CSAD: variants seen among roughly 807,000 people sequenced by gnomAD.
CSAD encodes the protein cysteine sulfinic acid decarboxylase, also known as P-selectin cytoplasmic tail-associated protein.
Under a neutral mutation model 61.5 loss-of-function variants are expected in CSAD, and 47 were observed. The ratio of observed to expected loss-of-function variants is 0.76; its 90% CI spans 0.60 to 0.97. The LOEUF (loss-of-function observed/expected upper bound fraction) is 0.97. Ranked by LOEUF, CSAD falls within the 50% of genes least tolerant of loss-of-function variation. The pLI is 0.00. For missense variants in CSAD, 611 were observed against 643.6 expected (o/e 0.95, Z 0.55); for synonymous variants, 245 against 252.7 (o/e 0.97, Z 0.29).
In CSAD at chr12:53,160,829, G is replaced by A. The variant is rs1287115835; in HGVS notation, c.900C>T (p.Ala300=). The A allele has an allele frequency of 1.3e-6, 2 of 1,551,964 alleles. No homozygotes were observed. Among genetic ancestry groups the A allele is most frequent in the East Asian group, 2.4e-5 (1 of 40,988 alleles). The change falls in exon 13 of 17, where the codon GCC becomes GCT. Residue 300 remains alanine (A), a synonymous_variant. Coordinates refer to ENST00000444623, the MANE Select transcript of CSAD (RefSeq NM_001244705.2). ...LDGIQRADSV[A]WNPHKLLAAG... ...CTGCGAGGAGCTTGTGGGGATTCCA[G>A]GCCACAGAGTCAGCCCTGGATGGGG...
intron 1 of CSAD, 59 bp downstream of exon 1, chr12:53,180,673 G>A: frequency 2.3e-6 from 3 of 1,277,750 alleles, no homozygotes; most frequent in South Asian, 1.3e-5. Flanking sequence ...CGGAGAGGAC[G>A]AGGGGGAGGG....
chr12:53,180,764 G>A lies in CSAD; in HGVS notation c.-123C>T. 1 of 1,272,256 alleles carries A rather than the reference G, an allele frequency of 7.9e-7. No homozygotes were observed. Among genetic ancestry groups the A allele is most frequent in the Non-Finnish European group, 1.0e-6 (1 of 981,510 alleles). 78.8% of individuals were successfully genotyped at this position (1,272,256 alleles called of 1,614,324 possible). On this transcript the variant is annotated 5_prime_UTR_variant, in exon 1 of 17. Transcript: ENST00000444623. ...CCGGTGGGGGCAGCCGCGGCGGTGG[G>A]GTTGGCAGGGTGTGCTGGGGCCTGG...
intron 10 of CSAD, among the ~76,000 whole-genome samples, chr12:53,167,749 A>C (rs1451645005): frequency 6.6e-6 from 1 of 152,242 alleles, no homozygotes; most frequent in Non-Finnish European, 1.5e-5. Context: ...TATGTAGAGC[A>C]ATTGGAACCC....
At chr12:53,171,819 G>C (rs1940617931) in intron 7 of CSAD, 63 bp downstream of exon 7, 2 of 1,089,228 alleles carry the variant, frequency 1.8e-6, no homozygotes, top group Non-Finnish European at 1.4e-6. Context: ...TAGAGCAAGA[G>C]AACGGTGGGG....
intron 1 of CSAD, chr12:53,179,792 T>A: frequency 6.2e-7 from 1 of 1,613,588 alleles, no homozygotes; most frequent in Non-Finnish European, 8.5e-7. Context: ...AAATGAGGAC[T>A]TCAGTGGAAT....
At chr12:53,180,497 G>C in intron 1 of CSAD, 1 of 1,243,434 alleles carries the variant, frequency 8.0e-7, no homozygotes, top group Non-Finnish European at 1.0e-6. Flanking sequence ...GGCGCGCCCC[G>C]GCCACGGCGC....
chr12:53,181,288 C>G (rs1025925191), upstream of CSAD: 7 of 985,332 alleles, frequency 7.1e-6, no homozygotes, highest in Non-Finnish European at 7.2e-6. Flanking sequence ...TGCCCGCCAC[C>G]GAAGCACCCA....
rs116033519 is a variant in CSAD at position 53,179,653 on chromosome 12, G to A, written c.-90-511C>T. The stretch of plus-strand genomic sequence containing the variant: ...GGCCCAAATCATGGAGTGGCTCAGG[G>A]AAATGAAATCTGTCTACAAAAAAAA... On this transcript the variant is annotated intron_variant, in intron 1 of 16. Transcript: ENST00000444623. 9.2e-4 allele frequency: 769 copies of A among 832,460 alleles called. 3 individuals are homozygous for A. The African/African-American group carries it at 0.012, about 13-fold the overall frequency. 51.6% of individuals were successfully genotyped at this position (832,460 alleles called of 1,614,324 possible).
At chr12:53,170,871 C>T in intron 8 of CSAD, 1 of 378,830 alleles carries the variant, frequency 2.6e-6, no homozygotes, top group Non-Finnish European at 5.0e-6. Flanking sequence ...CAGGTGCCCA[C>T]CACCATGCCT....
chr12:53,177,467 T>A (rs1389323770), intron 2 of CSAD, among the ~76,000 whole-genome samples: 1 of 152,174 alleles, frequency 6.6e-6, no homozygotes, highest in African/African-American at 2.4e-5. Context: ...TACCTTTTTT[T>A]AATGGGCAAA....
chr12:53,172,616 C>T lies in CSAD; in HGVS notation c.159G>A (p.Lys53=), dbSNP rs1287053129. 4 of 1,609,890 alleles carry T rather than the reference C, an allele frequency of 2.5e-6. No individual in the cohort carries two copies. Among genetic ancestry groups the T allele is most frequent in the South Asian group, 1.1e-5 (1 of 90,248 alleles). ...TCCGCAGCTCCAAATCCAGCAGCTG[C>T]TTCAGCTCCTCAGGCTCCTTCCACT... ...VCEWKEPEEL[K]QLLDLELRSQ... The change falls in exon 5 of 17, where the codon AAG becomes AAA. Residue 53 remains lysine, a synonymous_variant. Coordinates refer to ENST00000444623, the MANE Select transcript of CSAD (RefSeq NM_001244705.2).
chr12:53,167,748 C>T (rs1034816108), intron 10 of CSAD, among the ~76,000 whole-genome samples: 2 of 152,150 alleles, frequency 1.3e-5, no homozygotes, highest in Non-Finnish European at 2.9e-5. Flanking sequence ...GTATGTAGAG[C>T]AATTGGAACC....
rs748659971 is a variant in CSAD, at chr12:53,171,966, C to CGG, written c.365_366dup (p.Val123ProfsTer11). 6.2e-7 allele frequency: 1 copy of CGG among 1,613,926 alleles called. No homozygotes were observed. Among genetic ancestry groups the CGG allele is most frequent in the Non-Finnish European group, 8.5e-7 (1 of 1,179,916 alleles). ...ACCTCCTCTTCCATGAGCACAAACACGGGGGCGATTTCATATGTGTACCTG... is the reference window on the plus strand; with the variant it reads ...ACCTCCTCTTCCATGAGCACAAACACGGGGGGGCGATTTCATATGTGTACCTG... On this transcript the variant is annotated frameshift_variant, in exon 7 of 17. Transcript: ENST00000444623. LOFTEE classifies it high-confidence loss of function.
intron 10 of CSAD, among the ~76,000 whole-genome samples, chr12:53,163,177 G>A (rs922334006): frequency 3.9e-5 from 6 of 152,304 alleles, no homozygotes; most frequent in African/African-American, 7.2e-5. Flanking sequence ...CAAGGCTGCA[G>A]TGAACCATGA....
rs1356808160 is a variant in CSAD, at chr12:53,157,671, A to G, written c.*840T>C. The G allele has an allele frequency of 2.6e-5, 4 of 152,202 alleles. 1 individual carries two copies. The highest frequency in any genetic ancestry group is 9.7e-5 in the African/African-American group (4 of 41,422). The allele number at this position is 152,202 out of a possible 1,614,324, so 9.4% of individuals were successfully genotyped here. The stretch of plus-strand genomic sequence containing the variant: ...AAAACATACCAAAAGAATGCAGTTG[A>G]AATTTTAACTTTATTATTTTCCTAT... On this transcript the variant is annotated 3_prime_UTR_variant, in exon 17 of 17. Transcript: ENST00000444623.
Position 53,158,696 on chromosome 12 carries a change from T to C in CSAD, c.1309-12A>G. The stretch of plus-strand genomic sequence containing the variant: ...AGCACGGGGGCCACCTGTGGAAGGG[T>C]GGAGAGAGATTCCAGCTGCAGCCTG... On this transcript the variant is annotated splice_polypyrimidine_tract_variant and intron_variant, in intron 16 of 16. Coordinates refer to ENST00000444623, the MANE Select transcript of CSAD (RefSeq NM_001244705.2). 6.2e-7 allele frequency: 1 copy of C among 1,611,284 alleles called. No homozygotes were observed. The highest frequency in any genetic ancestry group is 8.5e-7 in the Non-Finnish European group (1 of 1,178,166).
chr12:53,179,997 T>C (rs1028848236), intron 1 of CSAD: 1 of 1,479,374 alleles, frequency 6.8e-7, no homozygotes, highest in Non-Finnish European at 8.9e-7. Flanking sequence ...GAGGCTAGTG[T>C]TTGATGCTGG....
chr12:53,172,265 T>G, intron 6 of CSAD, 81 bp downstream of exon 6: 1 of 1,273,894 alleles, frequency 7.8e-7, no homozygotes, highest in Non-Finnish European at 1.1e-6. Flanking sequence ...GGCAGAACCA[T>G]TCTCCTCCCC....
rs1417258357 is a variant in CSAD, at chr12:53,160,854, G to C, written c.885-10C>G. 1 of 1,551,420 alleles carries C rather than the reference G, an allele frequency of 6.4e-7. No homozygotes were observed. On this transcript the variant is annotated splice_polypyrimidine_tract_variant and intron_variant, in intron 12 of 16. Coordinates refer to ENST00000444623, the MANE Select transcript of CSAD (RefSeq NM_001244705.2). ...GGCCACAGAGTCAGCCCTGGATGGG[G>C]TGGAGCAAAGGCAGGTCAGTGGCTC...
Sources: allele counts gnomAD v4.1 joint callset (sites outside exome capture counted in the v4.1 genomes callset), GRCh38; gene constraint gnomAD v4.1.1; transcripts MANE v1.5; gene names NCBI Gene and HGNC (gene_info 2026-07-23, HGNC 2026-07-21).